The following CTNNA3 variants were observed in gnomAD, a reference collection of about 807,000 sequenced individuals.
CTNNA3 encodes the protein catenin alpha 3.
CTNNA3 carries 76 observed loss-of-function variants against 95.7 expected under a neutral mutation model. The observed-to-expected ratio is 0.79, with a 90% confidence interval of 0.66 to 0.96. The LOEUF (loss-of-function observed/expected upper bound fraction) is 0.96. Among genes scored for constraint, CTNNA3 ranks in the 40% least tolerant of loss-of-function variants. The pLI is 0.00. For missense variants in CTNNA3, 1,191 were observed against 1,089.8 expected, an observed-to-expected ratio of 1.09 and a Z score of -1.31; for synonymous variants, 431 against 374.4, an observed-to-expected ratio of 1.15 and a Z score of -1.74.
intron 7 of CTNNA3, among the ~76,000 whole-genome samples, chr10:66,903,711 A>G (rs1589400985): frequency 6.6e-6 from 1 of 152,224 alleles, no homozygotes; most frequent in Admixed American, 6.5e-5. Context: ...TGCAAAAATC[A>G]CAAGCATTCC....
chr10:67,523,983 AG>A (rs1167956473), intron 4 of CTNNA3, among the ~76,000 whole-genome samples: 2 of 152,224 alleles, frequency 1.3e-5, no homozygotes, highest in Non-Finnish European at 2.9e-5. Context: ...AGCATGTTTT[AG>A]CCCCTGCACT....
intron 7 of CTNNA3, among the ~76,000 whole-genome samples, chr10:67,147,022 T>G (rs1860881346): frequency 1.3e-5 from 2 of 152,172 alleles, no homozygotes; most frequent in African/African-American, 4.8e-5. Context: ...GTAAGTCCCC[T>G]CTATAATGTT....
chr10:66,312,326 A>G (rs4370822), intron 12 of CTNNA3, among the ~76,000 whole-genome samples: 133,450 of 152,130 alleles, frequency 0.88, 58,694 homozygotes, highest in East Asian at 0.93. Flanking sequence ...GTAGCTATCA[A>G]GTACATGCCT....
chr10:67,569,060 G>T (rs1486273638), intron 3 of CTNNA3, among the ~76,000 whole-genome samples: 1 of 152,152 alleles, frequency 6.6e-6, no homozygotes, highest in African/African-American at 2.4e-5. Flanking sequence ...TGCATGCATT[G>T]TGTCCTGTAG....
At chr10:67,371,771 A>AT (rs1366121543) in intron 5 of CTNNA3, among the ~76,000 whole-genome samples, 5 of 152,164 alleles carry the variant, frequency 3.3e-5, no homozygotes. Flanking sequence ...GTCAAATGGT[A>AT]TTTCTAGTTC....
chr10:65,993,521 G>A (rs542046801), intron 15 of CTNNA3, among the ~76,000 whole-genome samples: 2 of 152,006 alleles, frequency 1.3e-5, no homozygotes, highest in South Asian at 4.2e-4. Context: ...CTTTTTTACT[G>A]TTTTTGACTT....
At chr10:67,316,054 G>A (rs988112839) in intron 5 of CTNNA3, among the ~76,000 whole-genome samples, 15 of 152,114 alleles carry the variant, frequency 9.9e-5, no homozygotes, top group African/African-American at 3.4e-4. Flanking sequence ...AATGGGATTT[G>A]TAAATCGGCT....
chr10:67,229,071 A>C (rs1031351596), intron 5 of CTNNA3, among the ~76,000 whole-genome samples: 6 of 152,226 alleles, frequency 3.9e-5, no homozygotes, highest in African/African-American at 1.4e-4. Flanking sequence ...AATCCTTAAC[A>C]AAATACTGGC....
At chr10:66,421,273 G>A (rs182422242) in intron 11 of CTNNA3, among the ~76,000 whole-genome samples, 322 of 152,226 alleles carry the variant, frequency 2.1e-3, no homozygotes, top group Admixed American at 4.4e-3. Flanking sequence ...GGTTGGTAGC[G>A]GAGGGTGAAG....
chr10:66,478,869 G>C (rs1213614874), intron 11 of CTNNA3, among the ~76,000 whole-genome samples: 1 of 151,724 alleles, frequency 6.6e-6, no homozygotes, highest in Non-Finnish European at 1.5e-5. Flanking sequence ...ATTCATAGCT[G>C]TACACCTGTG....
intron 9 of CTNNA3, among the ~76,000 whole-genome samples, chr10:66,748,175 C>A (rs1346087608): frequency 6.6e-6 from 1 of 152,088 alleles, no homozygotes; most frequent in South Asian, 2.1e-4. Context: ...AGTTTGATTA[C>A]AAAAAACGTT....
chr10:66,720,203 G>T lies in CTNNA3; in HGVS notation c.1281+46061C>A, dbSNP rs188052466. Among the ~76,000 whole-genome samples the T allele has an allele frequency of 4.4e-3, 675 of 152,118 alleles. 5 individuals carry two copies. Among genetic ancestry groups the T allele is most frequent in the African/African-American group, 0.016 (646 of 41,474 alleles). Reference sequence around the variant, plus strand: ...CCTTCAGTTAAAAAAAAATGAAAGAGAGAAGAAGAGAGAAAAGAGATAAAT... The same window carrying T: ...CCTTCAGTTAAAAAAAAATGAAAGATAGAAGAAGAGAGAAAAGAGATAAAT... On this transcript the variant is annotated intron_variant, in intron 9 of 17. Coordinates refer to ENST00000433211, the MANE Select transcript of CTNNA3 (RefSeq NM_013266.4).
intron 1 of CTNNA3, among the ~76,000 whole-genome samples, chr10:67,674,413 T>A (rs753446569): frequency 3.3e-5 from 5 of 152,074 alleles, no homozygotes; most frequent in African/African-American, 9.7e-5. Flanking sequence ...AATAAATTTC[T>A]CTTGCTTAAA....
At chr10:67,026,040 T>C (rs1247504215) in intron 7 of CTNNA3, among the ~76,000 whole-genome samples, 1 of 147,146 alleles carries the variant, frequency 6.8e-6, no homozygotes, top group Non-Finnish European at 1.5e-5. Flanking sequence ...TTCTCATTCA[T>C]AGATGGGAAT....
At chr10:66,160,880 G>A (rs193214600) in intron 13 of CTNNA3, among the ~76,000 whole-genome samples, 2 of 152,168 alleles carry the variant, frequency 1.3e-5, no homozygotes, top group East Asian at 3.9e-4. Context: ...GTGCATATAT[G>A]TTTAGGATTG....
In CTNNA3 at chr10:67,202,722, T is replaced by C. The variant is rs1484251388; in HGVS notation, c.843+16885A>G. Among the ~76,000 whole-genome samples the C allele has an allele frequency of 2.6e-5, 4 of 152,036 alleles. No individual in the cohort carries two copies. The East Asian group carries it at 7.7e-4, about 29-fold the overall frequency. On this transcript the variant is annotated intron_variant, in intron 6 of 17. Coordinates refer to ENST00000433211, the MANE Select transcript of CTNNA3 (RefSeq NM_013266.4). Reference sequence around the variant, plus strand: ...AGTGCTTTATCCAACAGACCGATCATGCTAGACAGAAAGTTTGCACCAGGT... The same window carrying C: ...AGTGCTTTATCCAACAGACCGATCACGCTAGACAGAAAGTTTGCACCAGGT...
chr10:65,993,686 C>T (rs977987603), intron 15 of CTNNA3, among the ~76,000 whole-genome samples: 1 of 151,996 alleles, frequency 6.6e-6, no homozygotes, highest in South Asian at 2.1e-4. Flanking sequence ...GTCATGTGGT[C>T]CTTGCTTTTG....
intron 10 of CTNNA3, among the ~76,000 whole-genome samples, chr10:66,582,303 T>C (rs1843215914): frequency 7.0e-6 from 1 of 142,392 alleles, no homozygotes. Flanking sequence ...TTTGCTTTTG[T>C]CATCTACAAT....
chr10:66,851,633 T>TAC (rs35986426), intron 7 of CTNNA3, among the ~76,000 whole-genome samples: 4,474 of 144,356 alleles, frequency 0.031, 104 homozygotes, highest in East Asian at 0.079. Context: ...TTCTCTCACA[T>TAC]ACACACACAC....
Sources: allele counts gnomAD v4.1 joint callset (sites outside exome capture counted in the v4.1 genomes callset), GRCh38; gene constraint gnomAD v4.1.1; transcripts MANE v1.5; gene names NCBI Gene and HGNC (gene_info 2026-07-23, HGNC 2026-07-21).